The following IFTAP variants were observed in gnomAD, a reference collection of about 807,000 sequenced individuals.
IFTAP encodes intraflagellar transport-associated protein.
IFTAP carries 19 observed loss-of-function variants against 19.4 expected under a neutral mutation model. That is an observed-to-expected ratio of 0.98 (90% confidence interval 0.68 to 1.44). The LOEUF is 1.44. Ranked by LOEUF, IFTAP falls within the 40% of genes most tolerant of loss-of-function variation. The probability of loss-of-function intolerance (pLI) is 0.00; values close to 1 mark genes in which losing one functional copy is unlikely to be tolerated. For missense variants in IFTAP, 240 were observed against 253.6 expected (o/e 0.95, Z 0.36); for synonymous variants, 85 against 83.5 (o/e 1.02, Z -0.10).
chr11:36,605,014 A>G (rs181041629), intron 1 of IFTAP, among the ~76,000 whole-genome samples: 22 of 151,670 alleles, frequency 1.5e-4, no homozygotes, highest in East Asian at 1.9e-4. Flanking sequence ...TGTGCAGCCT[A>G]TTAAATCTCT....
At chr11:36,634,529 A>G (rs1053487439) in intron 3 of IFTAP, among the ~76,000 whole-genome samples, 1 of 152,158 alleles carries the variant, frequency 6.6e-6, no homozygotes, top group Admixed American at 6.6e-5. Flanking sequence ...GAGTTTTATC[A>G]TCTGAAGGGC....
chr11:36,602,874 T>C (rs1010371069), intron 1 of IFTAP, among the ~76,000 whole-genome samples: 4 of 152,182 alleles, frequency 2.6e-5, no homozygotes, highest in African/African-American at 4.8e-5. Flanking sequence ...GGCATTCTTT[T>C]TGATTTCAAA....
chr11:36,614,431 C>T lies in IFTAP; in HGVS notation c.136+4192C>T, dbSNP rs371291220. On this transcript the variant is annotated intron_variant, in intron 2 of 5. Transcript: ENST00000334307. The stretch of plus-strand genomic sequence containing the variant: ...TGATTTATAGTCCTTTGGGTATATA[C>T]CCAGTAATGGGATGGCTGGGTTAAA... Among the ~76,000 whole-genome samples the T allele has an allele frequency of 1.0e-4, 15 of 149,104 alleles. No homozygotes were observed. In the East Asian group the frequency reaches 2.9e-3, roughly 29 times the overall value.
intron 2 of IFTAP, among the ~76,000 whole-genome samples, chr11:36,617,408 A>T (rs1852134650): frequency 1.3e-5 from 2 of 151,724 alleles, no homozygotes; most frequent in Admixed American, 1.3e-4. Context: ...GGCTTATTAA[A>T]TGAAACTATA....
At chr11:36,652,361 A>T (rs865906998) in intron 5 of IFTAP, among the ~76,000 whole-genome samples, 6 of 152,020 alleles carry the variant, frequency 3.9e-5, no homozygotes, top group Non-Finnish European at 7.4e-5. Flanking sequence ...TTTGTCTGTT[A>T]TTGGTGTATA....
intron 1 of IFTAP, among the ~76,000 whole-genome samples, chr11:36,602,213 G>A (rs890506237): frequency 3.3e-5 from 5 of 152,166 alleles, no homozygotes; most frequent in African/African-American, 1.2e-4. Flanking sequence ...TGAAATAGAG[G>A]TTGATTTTAT....
intron 3 of IFTAP, among the ~76,000 whole-genome samples, chr11:36,634,529 A>T (rs1053487439): frequency 2.0e-5 from 3 of 152,158 alleles, no homozygotes; most frequent in African/African-American, 2.4e-5. Context: ...GAGTTTTATC[A>T]TCTGAAGGGC....
intron 2 of IFTAP, among the ~76,000 whole-genome samples, chr11:36,628,958 A>T (rs1473623954): frequency 1.3e-5 from 2 of 151,392 alleles, no homozygotes; most frequent in African/African-American, 4.9e-5. Context: ...AATGAGGAAC[A>T]TAAAACAGTT....
intron 5 of IFTAP, among the ~76,000 whole-genome samples, chr11:36,658,527 A>G (rs923554326): frequency 2.0e-5 from 3 of 152,324 alleles, no homozygotes; most frequent in South Asian, 4.1e-4. Context: ...CAAGAGTTAT[A>G]GGTATTATCT....
At chr11:36,610,016 C>G in intron 1 of IFTAP, 65 bp from the exon 2 acceptor site, 1 of 1,438,802 alleles carries the variant, frequency 7.0e-7, no homozygotes, top group South Asian at 1.3e-5. Flanking sequence ...CCTACCCATC[C>G]AGAATATTTT....
At chr11:36,611,070 C>T (rs1284907317) in intron 2 of IFTAP, among the ~76,000 whole-genome samples, 6 of 152,064 alleles carry the variant, frequency 3.9e-5, no homozygotes, top group Non-Finnish European at 8.8e-5. Context: ...AACTAGAGCT[C>T]AGGAGCCCTT....
At chr11:36,618,832 G>A (rs1852193201) in intron 2 of IFTAP, among the ~76,000 whole-genome samples, 1 of 152,048 alleles carries the variant, frequency 6.6e-6, no homozygotes, top group Non-Finnish European at 1.5e-5. Context: ...CAAAGAAGAA[G>A]TAGAGAAACA....
Position 36,622,507 on chromosome 11 carries a change from G to A in IFTAP, c.137-10777G>A, listed in dbSNP as rs367581264. 7.9e-5 allele frequency among the ~76,000 whole-genome samples: 12 copies of A among 152,148 alleles called. No homozygotes were observed. In the East Asian group the frequency reaches 2.1e-3, roughly 27 times the overall value. On this transcript the variant is annotated intron_variant, in intron 2 of 5. Coordinates refer to ENST00000334307, the MANE Select transcript of IFTAP (RefSeq NM_138787.4). ...ACGGGCAGGGCCAGTGTAATGGGAA[G>A]GGACACTTCAATCCTTGGATTCAGA...
intron 1 of IFTAP, among the ~76,000 whole-genome samples, chr11:36,609,770 A>G (rs1415281872): frequency 4.6e-5 from 7 of 152,090 alleles, no homozygotes; most frequent in African/African-American, 1.7e-4. Flanking sequence ...AGTTCCTCCT[A>G]CCTCGAAAGA....
chr11:36,619,656 A>G (rs1852225188), intron 2 of IFTAP, among the ~76,000 whole-genome samples: 1 of 152,076 alleles, frequency 6.6e-6, no homozygotes, highest in Non-Finnish European at 1.5e-5. Flanking sequence ...ATACCCTTGC[A>G]TCTGGCAGAT....
At chr11:36,627,250 G>T (rs145253369) in intron 2 of IFTAP, among the ~76,000 whole-genome samples, 1 of 151,300 alleles carries the variant, frequency 6.6e-6, no homozygotes, top group East Asian at 1.9e-4. Context: ...ACCTAAAAAT[G>T]GAATCGTGGT....
intron 4 of IFTAP, among the ~76,000 whole-genome samples, chr11:36,641,376 A>G (rs993614142): frequency 3.3e-5 from 5 of 152,216 alleles, no homozygotes; most frequent in Non-Finnish European, 5.9e-5. Flanking sequence ...GTTGATAGAC[A>G]TAACCCATGT....
chr11:36,655,355 T>C (rs773971899), intron 5 of IFTAP, among the ~76,000 whole-genome samples: 13 of 152,170 alleles, frequency 8.5e-5, no homozygotes, highest in African/African-American at 3.1e-4. Flanking sequence ...TCTGATTCCT[T>C]CCCAATCCCC....
At position 36,594,569 on chromosome 11, in the gene IFTAP, TCTGTGAATAAAGA is replaced by T. The variant is rs1851126722; in HGVS notation, c.-44_-32del. 3.2e-5 allele frequency: 7 copies of T among 219,786 alleles called. No individual in the cohort carries two copies. Among genetic ancestry groups the T allele is most frequent in the South Asian group, 7.7e-5 (1 of 12,996 alleles). The allele number at this position is 219,786 out of a possible 1,614,324, so 13.6% of individuals were successfully genotyped here. On this transcript the variant is annotated 5_prime_UTR_variant, in exon 1 of 6. An upstream open reading frame in the 5' UTR gains an earlier in-frame stop. Transcript: ENST00000334307. Reference sequence around the variant, plus strand: ...TGGGAGAGGGGACTCCTGGAATGTGTCTGTGAATAAAGACTAGCCGAAGGTGCGAAGTGACTAG... The same window carrying T: ...TGGGAGAGGGGACTCCTGGAATGTGTCTAGCCGAAGGTGCGAAGTGACTAG...
Sources: gnomAD v4.1 joint callset for allele counts (sites outside exome capture counted in the v4.1 genomes callset) on GRCh38, gnomAD v4.1.1 for gene constraint, MANE v1.5 for transcripts, NCBI Gene and HGNC (gene_info 2026-07-23, HGNC 2026-07-21) for gene names.